XPNPEP1: variants seen among roughly 807,000 people sequenced by gnomAD.
The protein encoded by XPNPEP1 is X-prolyl aminopeptidase 1.
XPNPEP1 carries 39 observed loss-of-function variants against 92.4 expected under a neutral mutation model. The observed-to-expected ratio is 0.42, with a 90% CI of 0.33 to 0.55. The LOEUF (loss-of-function observed/expected upper bound fraction) is 0.55, where lower values mean the gene tolerates loss of function less well. Among genes scored for constraint, XPNPEP1 ranks in the 20% least tolerant of loss-of-function variants. The probability of loss-of-function intolerance (pLI) is 0.08; values close to 1 mark genes in which losing one functional copy is unlikely to be tolerated. For missense variants in XPNPEP1, 654 were observed against 856.1 expected (o/e 0.76, Z 2.95); for synonymous variants, 307 against 299.4 (o/e 1.03, Z -0.26).
At chr10:109,911,824 T>C (rs530605957) in intron 2 of XPNPEP1, among the ~76,000 whole-genome samples, 4 of 152,352 alleles carry the variant, frequency 2.6e-5, no homozygotes, top group Admixed American at 6.5e-5. Context: ...AGATCATTTA[T>C]TTCTTTATAG....
At chr10:109,917,534 G>T (rs1201903191) in intron 1 of XPNPEP1, among the ~76,000 whole-genome samples, 1 of 152,188 alleles carries the variant, frequency 6.6e-6, no homozygotes, top group Non-Finnish European at 1.5e-5. Context: ...TTTACTATTG[G>T]TAAGATGGCA....
chr10:109,914,727 C>T (rs932721923), intron 2 of XPNPEP1, among the ~76,000 whole-genome samples: 32 of 142,412 alleles, frequency 2.2e-4, no homozygotes, highest in African/African-American at 7.0e-4. Flanking sequence ...ACCCGGGAGA[C>T]GGAGGTTGCA....
Position 109,870,743 on chromosome 10 carries a change from T to C in XPNPEP1, c.1684A>G (p.Ile562Val), listed in dbSNP as rs1357941685. ...FSDEPLEAGM[I>V]VTDEPGYYED... ...GAGGGACACTTACCATCAGTGACAATCATGCCTGCCTCCAAGGGCTCATCA... is the reference window on the plus strand; with the variant it reads ...GAGGGACACTTACCATCAGTGACAACCATGCCTGCCTCCAAGGGCTCATCA... Residue 562 changes from isoleucine to valine, a missense_variant, in exon 18 of 21, where the codon ATT (isoleucine) becomes GTT (valine). Transcript: ENST00000502935. 1 of 1,614,060 alleles carries C rather than the reference T, an allele frequency of 6.2e-7. No individual in the cohort carries two copies. The highest frequency in any genetic ancestry group is 8.5e-7 in the Non-Finnish European group (1 of 1,179,982).
At chr10:109,893,154 G>T in intron 3 of XPNPEP1, 79 bp from the exon 4 acceptor site, 1 of 1,367,730 alleles carries the variant, frequency 7.3e-7, no homozygotes, top group Non-Finnish European at 1.0e-6. Context: ...CTTGTGCTAG[G>T]CTCAGCGGGG....
At chr10:109,911,468 C>T (rs761536515) in intron 2 of XPNPEP1, among the ~76,000 whole-genome samples, 1 of 152,122 alleles carries the variant, frequency 6.6e-6, no homozygotes, top group Non-Finnish European at 1.5e-5. Flanking sequence ...AAAAAGGGAT[C>T]GGAAGTATCT....
At chr10:109,876,398 T>C (rs1286803529) in intron 14 of XPNPEP1, 1 of 152,126 alleles carries the variant, frequency 6.6e-6, no homozygotes, top group Non-Finnish European at 1.5e-5. Context: ...AGACAACCAG[T>C]ACCTCCAGAA....
intron 5 of XPNPEP1, among the ~76,000 whole-genome samples, chr10:109,889,010 CAT>C (rs778104653): frequency 2.0e-5 from 3 of 152,210 alleles, no homozygotes; most frequent in Non-Finnish European, 2.9e-5. Context: ...GAGACTCCCA[CAT>C]ATCACATACC....
At chr10:109,921,587 T>C (rs2133593312) in intron 1 of XPNPEP1, among the ~76,000 whole-genome samples, 1 of 152,304 alleles carries the variant, frequency 6.6e-6, no homozygotes, top group Non-Finnish European at 1.5e-5. Context: ...AACAAGATGC[T>C]CAATCACACC....
rs541699800 is a variant in XPNPEP1, at chr10:109,891,397, T to G, written c.415+325A>C. On this transcript the variant is annotated intron_variant, in intron 5 of 20. Transcript: ENST00000502935. ...CAATGACTCCTTGCCTTTATCTCAC[T>G]CTGAATCATGAGGCAGCAAATAGTA... is the stretch of plus-strand genomic sequence containing the variant. The G allele has an allele frequency of 7.4e-4, 140 of 189,872 alleles. 1 individual carries two copies. Among genetic ancestry groups the G allele is most frequent in the Middle Eastern group, 2.0e-3 (1 of 504 alleles). 11.8% of individuals were successfully genotyped at this position (189,872 alleles called of 1,614,324 possible).
chr10:109,895,380 G>A (rs905320967), intron 3 of XPNPEP1, among the ~76,000 whole-genome samples: 3 of 152,234 alleles, frequency 2.0e-5, no homozygotes, highest in Admixed American at 1.3e-4. Context: ...GATCCGCAGG[G>A]TTTACCTAGA....
chr10:109,913,959 G>A (rs989118086), intron 2 of XPNPEP1, among the ~76,000 whole-genome samples: 2 of 151,672 alleles, frequency 1.3e-5, no homozygotes, highest in African/African-American at 4.9e-5. Flanking sequence ...AAATGTGTTG[G>A]ATACATCTAT....
intron 3 of XPNPEP1, among the ~76,000 whole-genome samples, chr10:109,893,735 C>T (rs376253064): frequency 6.6e-6 from 1 of 152,178 alleles, no homozygotes; most frequent in South Asian, 2.1e-4. Flanking sequence ...AATTCTTACG[C>T]GTGGGCAAAG....
intron 2 of XPNPEP1, among the ~76,000 whole-genome samples, chr10:109,914,728 G>A (rs568166668): frequency 2.7e-5 from 4 of 150,446 alleles, no homozygotes; most frequent in East Asian, 2.0e-4. Context: ...CCCGGGAGAC[G>A]GAGGTTGCAG....
At chr10:109,887,878 T>A (rs1341770827) in intron 7 of XPNPEP1, among the ~76,000 whole-genome samples, 171 bp downstream of exon 7, 4 of 152,120 alleles carry the variant, frequency 2.6e-5, no homozygotes, top group African/African-American at 7.2e-5. Flanking sequence ...GTGGCAACAG[T>A]GGAAACAAAC....
In XPNPEP1 at chr10:109,871,861, C is replaced by A; in HGVS notation, c.1453G>T (p.Glu485Ter). ...HFGTPTAYEK[E>*]CFTYVLKGHI... is the part of the protein sequence containing the mutation. ...CCCTTGAGGACATATGTGAAGCATT[C>A]CTGCAAAGAAAACCCAGGGGCATGT... The change falls in exon 17 of 21, where the codon GAA becomes TAA. Residue 485 changes from glutamate (E) to a stop codon, truncating the protein, a stop_gained and splice_region_variant. Transcript: ENST00000502935. LOFTEE classifies it high-confidence loss of function. The A allele has an allele frequency of 6.2e-7, 1 of 1,613,722 alleles. No individual in the cohort carries two copies. The highest frequency in any genetic ancestry group is 1.1e-5 in the South Asian group (1 of 90,938).
chr10:109,873,566 A>G (rs940669498), intron 15 of XPNPEP1, 139 bp from the exon 16 acceptor site: 2 of 910,362 alleles, frequency 2.2e-6, no homozygotes, highest in African/African-American at 3.3e-5. Context: ...CTTTGCAAAT[A>G]GTTCGCAGTT....
chr10:109,914,589 G>C (rs1221602188), intron 2 of XPNPEP1, among the ~76,000 whole-genome samples: 1 of 151,444 alleles, frequency 6.6e-6, no homozygotes, highest in Non-Finnish European at 1.5e-5. Flanking sequence ...CTGAGGTCGG[G>C]AGTTCAAGAC....
intron 3 of XPNPEP1, among the ~76,000 whole-genome samples, chr10:109,903,274 A>G (rs1464608063): frequency 1.3e-5 from 2 of 152,264 alleles, no homozygotes; most frequent in Non-Finnish European, 2.9e-5. Context: ...ATCTTTCTGT[A>G]CACTGAGGCC....
chr10:109,916,639 G>C (rs1292545772), intron 1 of XPNPEP1, among the ~76,000 whole-genome samples: 2 of 152,038 alleles, frequency 1.3e-5, no homozygotes, highest in East Asian at 3.8e-4. Context: ...GGACAGAATG[G>C]GATGTTCTTA....
Sources: gnomAD v4.1 joint callset for allele counts (sites outside exome capture counted in the v4.1 genomes callset) on GRCh38, gnomAD v4.1.1 for gene constraint, MANE v1.5 for transcripts, NCBI Gene and HGNC (gene_info 2026-07-23, HGNC 2026-07-21) for gene names.